Variants in MRTFB observed in about 807,000 individuals in gnomAD.
MRTFB encodes myocardin-related transcription factor B.
MRTFB carries 29 observed loss-of-function variants against 104.2 expected under a neutral mutation model. The ratio of observed to expected loss-of-function variants is 0.28; its 90% CI spans 0.21 to 0.38. The LOEUF is 0.38. Among genes scored for constraint, MRTFB ranks in the 10% least tolerant of loss-of-function variants. The probability of loss-of-function intolerance (pLI) is 1.00; values close to 1 mark genes in which losing one functional copy is unlikely to be tolerated. For synonymous variants in MRTFB, 535 were observed against 519.5 expected, an observed-to-expected ratio of 1.03 and a Z score of -0.41; for missense variants, 1,270 against 1,341.6, an observed-to-expected ratio of 0.95 and a Z score of 0.83.
chr16:14,133,157 CAGT>C (rs2037527327), intron 2 of MRTFB, among the ~76,000 whole-genome samples: 1 of 152,156 alleles, frequency 6.6e-6, no homozygotes, highest in Non-Finnish European at 1.5e-5. Context: ...AAGTCATAGA[CAGT>C]GGTGGCTTAT....
At chr16:14,229,404 A>G (rs1364709436) in intron 8 of MRTFB, among the ~76,000 whole-genome samples, 1 of 152,228 alleles carries the variant, frequency 6.6e-6, no homozygotes, top group African/African-American at 2.4e-5. Context: ...GAGTAATTGC[A>G]TTTTGCCATC....
At chr16:14,022,717 C>T in the MRTFB span, among the ~76,000 whole-genome samples, 1 of 149,798 alleles carries the variant, frequency 6.7e-6, no homozygotes, top group South Asian at 2.1e-4. Flanking sequence ...CAGTTCAGCA[C>T]ATACATAGAA....
the MRTFB span, among the ~76,000 whole-genome samples, chr16:14,039,806 T>C: frequency 6.7e-6 from 1 of 149,284 alleles, no homozygotes; most frequent in Non-Finnish European, 1.5e-5. Context: ...TGGAGTGCAA[T>C]GACGCAATCT....
the MRTFB span, among the ~76,000 whole-genome samples, chr16:14,005,166 C>A: frequency 6.6e-6 from 1 of 152,244 alleles, no homozygotes; most frequent in Non-Finnish European, 1.5e-5. Context: ...AACACAAAAA[C>A]GATCCATGGA....
the MRTFB span, among the ~76,000 whole-genome samples, chr16:14,056,835 C>T: frequency 1.3e-5 from 2 of 152,144 alleles, no homozygotes; most frequent in African/African-American, 2.4e-5. Context: ...TATTAAGAAA[C>T]CTTTAGTTCA....
intron 3 of MRTFB, among the ~76,000 whole-genome samples, chr16:14,184,538 C>G (rs1035816729): frequency 6.6e-6 from 1 of 151,970 alleles, no homozygotes; most frequent in Non-Finnish European, 1.5e-5. Flanking sequence ...CTCCATTTTC[C>G]CATGTGTAGA....
intron 1 of MRTFB, among the ~76,000 whole-genome samples, chr16:14,072,273 C>T (rs1354693187): frequency 6.6e-6 from 1 of 152,008 alleles, no homozygotes; most frequent in Non-Finnish European, 1.5e-5. Context: ...ACAATGTGAC[C>T]TCCCTACACA....
intron 3 of MRTFB, among the ~76,000 whole-genome samples, chr16:14,168,245 A>G (rs371580209): frequency 8.0e-6 from 1 of 124,796 alleles, no homozygotes; most frequent in African/African-American, 4.4e-5. Flanking sequence ...GTGTGTGTGT[A>G]TGCTTATCTA....
chr16:14,095,927 A>T (rs891252268), intron 2 of MRTFB, among the ~76,000 whole-genome samples: 3 of 152,192 alleles, frequency 2.0e-5, no homozygotes, highest in Non-Finnish European at 4.4e-5. Context: ...GTAGATATAA[A>T]TTGGGTATGA....
chr16:14,195,998 G>A (rs965307120), intron 3 of MRTFB, among the ~76,000 whole-genome samples: 1 of 152,172 alleles, frequency 6.6e-6, no homozygotes, highest in Admixed American at 6.5e-5. Flanking sequence ...ATATCTTTAT[G>A]TACATCTGTC....
the MRTFB span, among the ~76,000 whole-genome samples, chr16:14,035,573 CATTT>C: frequency 6.6e-6 from 1 of 152,022 alleles, no homozygotes; most frequent in Non-Finnish European, 1.5e-5. Context: ...CTATTTTAAG[CATTT>C]ATTATATGTT....
At chr16:14,240,124 T>C (rs1322651204) in intron 9 of MRTFB, 113 bp from the exon 10 acceptor site, 3 of 1,278,722 alleles carry the variant, frequency 2.3e-6, no homozygotes, top group African/African-American at 1.5e-5. Flanking sequence ...AAAGTGGCTG[T>C]ACCCGTATCT....
intron 2 of MRTFB, among the ~76,000 whole-genome samples, chr16:14,101,726 C>A (rs2035713054): frequency 6.6e-6 from 1 of 152,134 alleles, no homozygotes; most frequent in Admixed American, 6.6e-5. Context: ...TTATAAAGAT[C>A]TACATCAGTA....
chr16:14,253,889 T>TG (rs2043361217), intron 15 of MRTFB, among the ~76,000 whole-genome samples: 2 of 152,174 alleles, frequency 1.3e-5, no homozygotes, highest in African/African-American at 2.4e-5. Flanking sequence ...GTCAAACAGG[T>TG]GGTGCTGGAC....
chr16:14,210,570 T>C (rs187691611), intron 4 of MRTFB, among the ~76,000 whole-genome samples: 78 of 152,356 alleles, frequency 5.1e-4, no homozygotes, highest in African/African-American at 1.7e-3. Context: ...ACATTCATTC[T>C]TTCTTTAAAC....
At chr16:14,221,418 T>C (rs2041697999) in intron 8 of MRTFB, among the ~76,000 whole-genome samples, 2 of 152,218 alleles carry the variant, frequency 1.3e-5, no homozygotes, top group South Asian at 2.1e-4. Context: ...TTTATCTTAG[T>C]AACCTCATAC....
At chr16:14,257,969 G>A in intron 15 of MRTFB, 132 bp from the exon 16 acceptor site, 1 of 730,764 alleles carries the variant, frequency 1.4e-6, no homozygotes, top group Non-Finnish European at 2.3e-6. Flanking sequence ...CTTCTCAGGT[G>A]ACCTCAGTGT....
intron 2 of MRTFB, among the ~76,000 whole-genome samples, chr16:14,124,600 T>C (rs2037016246): frequency 6.6e-6 from 1 of 152,244 alleles, no homozygotes; most frequent in Non-Finnish European, 1.5e-5. Flanking sequence ...CAGCCTTGCA[T>C]CCCAGGGATG....
At chr16:14,175,125 C>T (rs944006485) in intron 3 of MRTFB, among the ~76,000 whole-genome samples, 5 of 151,192 alleles carry the variant, frequency 3.3e-5, no homozygotes, top group Admixed American at 3.3e-4. Context: ...TCTGTTCCCA[C>T]GAGTAACCTT....
Sources: gnomAD v4.1 joint callset for allele counts (sites outside exome capture counted in the v4.1 genomes callset) on GRCh38, gnomAD v4.1.1 for gene constraint, MANE v1.5 for transcripts, NCBI Gene and HGNC (gene_info 2026-07-23, HGNC 2026-07-21) for gene names.